UNC5D: variants seen among roughly 807,000 people sequenced by gnomAD.
UNC5D encodes the protein unc-5 netrin receptor D.
Under a neutral mutation model 105.4 loss-of-function variants are expected in UNC5D, and 39 were observed. The observed-to-expected ratio is 0.37, with a 90% confidence interval of 0.29 to 0.48. The LOEUF is 0.48. Ranked by LOEUF, UNC5D falls within the 20% of genes least tolerant of loss-of-function variation. The pLI, the probability that UNC5D is intolerant of heterozygous loss-of-function variation, is 0.98. For synonymous variants in UNC5D, 452 were observed against 450.4 expected (o/e 1.00, Z -0.04); for missense variants, 991 against 1,202.4 (o/e 0.82, Z 2.60).
chr8:35,536,788 G>C (rs979635671), intron 1 of UNC5D, among the ~76,000 whole-genome samples: 2 of 152,124 alleles, frequency 1.3e-5, no homozygotes, highest in African/African-American at 2.4e-5. Flanking sequence ...ATGCAGTCAG[G>C]AGTTTGAGAC....
At chr8:35,240,380 A>G (rs1231979322) in intron 1 of UNC5D, among the ~76,000 whole-genome samples, 1 of 152,244 alleles carries the variant, frequency 6.6e-6, no homozygotes, top group Admixed American at 6.5e-5. Flanking sequence ...AATATGAAAT[A>G]ATACTTACAT....
At chr8:35,706,010 C>T (rs1307520839) in intron 8 of UNC5D, 49 bp downstream of exon 8, 5 of 1,208,600 alleles carry the variant, frequency 4.1e-6, no homozygotes, top group South Asian at 1.3e-5. Context: ...ATATTTGCTG[C>T]CTTGCTGTTG....
rs2128795707 is a variant in UNC5D, at chr8:35,235,788, G to A, written c.4G>A (p.Gly2Arg). M[G>R]RAAATAGGGG... ...CCTCCGGAACGCGGCGAGGAGCATG[G>A]GGAGAGCGGCGGCCACCGCAGGCGG... Residue 2 changes from glycine to arginine, a missense_variant, in exon 1 of 17, where the codon GGG becomes AGG. Gly to Arg is a moderately radical substitution (Grantham distance 125). Around this residue, in one of 3 missense-constraint regions of UNC5D, gnomAD observed 944 missense variants for 1,131.6 expected, o/e 0.83. Transcript: ENST00000404895. 3 of 1,229,924 alleles carry A rather than the reference G, an allele frequency of 2.4e-6. No individual in the cohort carries two copies. In the South Asian group the frequency reaches 1.2e-4, roughly 51 times the overall value. 76.2% of individuals were successfully genotyped at this position (1,229,924 alleles called of 1,614,324 possible).
intron 3 of UNC5D, among the ~76,000 whole-genome samples, chr8:35,579,077 T>C (rs1260178641): frequency 1.3e-5 from 2 of 152,172 alleles, no homozygotes; most frequent in African/African-American, 4.8e-5. Context: ...GGGGAGAGGA[T>C]ATAGATTTTA....
At chr8:35,736,447 T>C (rs977059622) in intron 11 of UNC5D, among the ~76,000 whole-genome samples, 2 of 152,214 alleles carry the variant, frequency 1.3e-5, no homozygotes, top group Admixed American at 6.5e-5. Context: ...TGAACAGTTA[T>C]ATAAGAAAAA....
intron 10 of UNC5D, 48 bp from the exon 11 acceptor site, chr8:35,730,964 G>A: frequency 6.3e-7 from 1 of 1,583,654 alleles, no homozygotes; most frequent in Non-Finnish European, 8.7e-7. Context: ...CAAACTTCAT[G>A]ATAATTGGAA....
intron 8 of UNC5D, among the ~76,000 whole-genome samples, chr8:35,706,339 A>T (rs1490894348): frequency 6.6e-6 from 1 of 152,134 alleles, no homozygotes; most frequent in Non-Finnish European, 1.5e-5. Context: ...TCCACCTAGC[A>T]TCTTACCTCC....
intron 1 of UNC5D, among the ~76,000 whole-genome samples, chr8:35,371,365 CAG>C (rs1436584245): frequency 3.9e-5 from 6 of 152,128 alleles, no homozygotes; most frequent in African/African-American, 1.4e-4. Context: ...TTCCTACTTC[CAG>C]GCCAAGACGA....
chr8:35,291,539 A>G (rs1585510340), intron 1 of UNC5D, among the ~76,000 whole-genome samples: 1 of 152,152 alleles, frequency 6.6e-6, no homozygotes, highest in African/African-American at 2.4e-5. Context: ...TGCAGTAGAA[A>G]AAAACTGAGC....
At chr8:35,371,982 G>A (rs1802451928) in intron 1 of UNC5D, among the ~76,000 whole-genome samples, 1 of 152,154 alleles carries the variant, frequency 6.6e-6, no homozygotes, top group Non-Finnish European at 1.5e-5. Flanking sequence ...GGCGGCATCT[G>A]CTCTTTAGGT....
chr8:35,544,365 C>T, intron 1 of UNC5D: 1 of 1,587,520 alleles, frequency 6.3e-7, no homozygotes, highest in Non-Finnish European at 8.6e-7. Flanking sequence ...TTTTCTGCCA[C>T]AAATAACAGA....
At position 35,278,729 on chromosome 8, in the gene UNC5D, T is replaced by C. The variant is rs563274096; in HGVS notation, c.103+42842T>C. Among the ~76,000 whole-genome samples, 524 of 152,246 alleles carry C rather than the reference T, an allele frequency of 3.4e-3. 6 individuals are homozygous for C. Among genetic ancestry groups the C allele is most frequent in the African/African-American group, 0.012 (509 of 41,550 alleles). ...CATAGTAACCTTGTTTTTCTGGTGA[T>C]GACAGCACCTGAAATCTACTCTCTT... On this transcript the variant is annotated intron_variant, in intron 1 of 16. Transcript: ENST00000404895.
At position 35,371,909 on chromosome 8, in the gene UNC5D, A is replaced by G. The variant is rs1298211809; in HGVS notation, c.103+136022A>G. Among the ~76,000 whole-genome samples, 3 of 152,154 alleles carry G rather than the reference A, an allele frequency of 2.0e-5. No homozygotes were observed. The East Asian group carries it at 5.8e-4, about 29-fold the overall frequency. ...ATATATTGTCCCTTTGAATAAAACC[A>G]AACAAGGATGAGCAATGAACCGTTG... On this transcript the variant is annotated intron_variant, in intron 1 of 16. Coordinates refer to ENST00000404895, the MANE Select transcript of UNC5D (RefSeq NM_080872.4).
chr8:35,682,848 C>T (rs1455122936), intron 4 of UNC5D, among the ~76,000 whole-genome samples: 1 of 152,172 alleles, frequency 6.6e-6, no homozygotes, highest in Non-Finnish European at 1.5e-5. Flanking sequence ...GTACCCTGTG[C>T]TCAGAGGATG....
chr8:35,525,571 C>G, intron 1 of UNC5D: 1 of 1,612,930 alleles, frequency 6.2e-7, no homozygotes, highest in Non-Finnish European at 8.5e-7. Context: ...ATTTCCACTT[C>G]TGAAACATAC....
chr8:35,559,937 A>G (rs527890636), intron 2 of UNC5D, among the ~76,000 whole-genome samples: 158 of 152,348 alleles, frequency 1.0e-3, no homozygotes, highest in African/African-American at 3.6e-3. Flanking sequence ...AAGCTGACAA[A>G]TGATGAAGTT....
intron 7 of UNC5D, 65 bp downstream of exon 7, chr8:35,686,774 T>A: frequency 6.7e-7 from 1 of 1,497,896 alleles, no homozygotes; most frequent in Non-Finnish European, 8.9e-7. Context: ...CTCAAGAAAG[T>A]AAGCTACAGC....
At chr8:35,568,504 C>T (rs971652588) in intron 3 of UNC5D, among the ~76,000 whole-genome samples, 2 of 152,216 alleles carry the variant, frequency 1.3e-5, no homozygotes, top group African/African-American at 2.4e-5. Context: ...GCCTGGCCAA[C>T]ATGGCAAAAC....
At chr8:35,404,512 T>G (rs1044036025) in intron 1 of UNC5D, among the ~76,000 whole-genome samples, 4 of 152,158 alleles carry the variant, frequency 2.6e-5, no homozygotes, top group Admixed American at 1.3e-4. Context: ...ATTATTAGAT[T>G]ATTAGAAAGG....
Sources: gnomAD v4.1 joint callset for allele counts (sites outside exome capture counted in the v4.1 genomes callset) on GRCh38, gnomAD v4.1.1 for gene constraint, gnomAD v4.1.1 regional missense constraint, MANE v1.5 for transcripts, NCBI Gene and HGNC (gene_info 2026-07-23, HGNC 2026-07-21) for gene names.